Variants in SLC16A10 observed in about 807,000 individuals in gnomAD.
SLC16A10 encodes solute carrier family 16 member 10.
SLC16A10 carries 27 observed loss-of-function variants against 40.0 expected under a neutral mutation model. That is an observed-to-expected ratio of 0.67 (90% CI 0.50 to 0.93). The LOEUF (loss-of-function observed/expected upper bound fraction) is 0.93, where lower values mean the gene tolerates loss of function less well. Ranked by LOEUF, SLC16A10 falls within the 40% of genes least tolerant of loss-of-function variation. The pLI, the probability that SLC16A10 is intolerant of heterozygous loss-of-function variation, is 0.00. For synonymous variants in SLC16A10, 213 were observed against 249.8 expected (o/e 0.85, Z 1.39); for missense variants, 529 against 658.2 (o/e 0.80, Z 2.15).
At chr6:111,213,330 A>C (rs970933341) in intron 4 of SLC16A10, among the ~76,000 whole-genome samples, 11 of 150,060 alleles carry the variant, frequency 7.3e-5, no homozygotes, top group African/African-American at 1.9e-4. Context: ...TTGTAGGAAG[A>C]CTTTCATATA....
chr6:111,094,160 T>C (rs1005788857), intron 1 of SLC16A10, among the ~76,000 whole-genome samples: 2 of 152,260 alleles, frequency 1.3e-5, no homozygotes, highest in Admixed American at 6.5e-5. Context: ...CTGCTTTTGA[T>C]GTGATTTGCT....
chr6:111,160,236 C>T (rs147238001), intron 1 of SLC16A10, among the ~76,000 whole-genome samples: 109 of 152,220 alleles, frequency 7.2e-4, no homozygotes, highest in African/African-American at 2.4e-3. Context: ...AGATTTTCTC[C>T]GGTATTTTCT....
chr6:111,092,505 AG>A (rs1190953674), intron 1 of SLC16A10, among the ~76,000 whole-genome samples: 1 of 150,408 alleles, frequency 6.6e-6, no homozygotes, highest in Non-Finnish European at 1.5e-5. Context: ...TAGTAGAGAC[AG>A]GGTTTCACCA....
chr6:111,134,889 C>T (rs1490978335), intron 1 of SLC16A10, among the ~76,000 whole-genome samples: 1 of 152,138 alleles, frequency 6.6e-6, no homozygotes, highest in African/African-American at 2.4e-5. Flanking sequence ...CCTGGGTATG[C>T]TTGACCATTG....
At chr6:111,155,753 G>A (rs1260546874) in intron 1 of SLC16A10, among the ~76,000 whole-genome samples, 1 of 152,174 alleles carries the variant, frequency 6.6e-6, no homozygotes, top group East Asian at 1.9e-4. Flanking sequence ...GATACAGATG[G>A]TTACATGTGG....
chr6:111,160,836 T>A (rs571807753), intron 1 of SLC16A10, among the ~76,000 whole-genome samples: 1 of 151,656 alleles, frequency 6.6e-6, no homozygotes, highest in South Asian at 2.1e-4. Flanking sequence ...GAATGGGGAG[T>A]GTGTACAGAT....
chr6:111,214,297 G>A (rs1773387962), intron 4 of SLC16A10, among the ~76,000 whole-genome samples: 1 of 152,238 alleles, frequency 6.6e-6, no homozygotes, highest in African/African-American at 2.4e-5. Flanking sequence ...TTCCTTACTC[G>A]AATCTAACCA....
chr6:111,097,522 C>T (rs186858553), intron 1 of SLC16A10, among the ~76,000 whole-genome samples: 225 of 152,150 alleles, frequency 1.5e-3, no homozygotes, highest in African/African-American at 5.3e-3. Context: ...CCATGTTGGT[C>T]AGGCTGGTCT....
chr6:111,166,677 G>A (rs1055691361), intron 1 of SLC16A10, among the ~76,000 whole-genome samples: 3 of 152,348 alleles, frequency 2.0e-5, no homozygotes, highest in Admixed American at 2.0e-4. Context: ...TGCCCTTGCA[G>A]TCATTTACAT....
chr6:111,118,727 C>T (rs1771533691), intron 1 of SLC16A10, among the ~76,000 whole-genome samples: 2 of 150,000 alleles, frequency 1.3e-5, no homozygotes, highest in African/African-American at 4.9e-5. Flanking sequence ...TTTTATATGG[C>T]ATTGATGGAC....
chr6:111,123,331 G>A (rs1771617596), intron 1 of SLC16A10, among the ~76,000 whole-genome samples: 1 of 152,212 alleles, frequency 6.6e-6, no homozygotes, highest in Admixed American at 6.5e-5. Context: ...TTGCAAGGAA[G>A]TCTCTTCAGA....
chr6:111,183,380 A>G (rs901474275), intron 3 of SLC16A10, among the ~76,000 whole-genome samples: 1 of 152,170 alleles, frequency 6.6e-6, no homozygotes, highest in Admixed American at 6.5e-5. Flanking sequence ...GTATATTTAC[A>G]CGTCTGCTAG....
intron 5 of SLC16A10, 147 bp from the exon 6 acceptor site, chr6:111,221,856 A>G: frequency 1.6e-6 from 1 of 629,748 alleles, no homozygotes. Flanking sequence ...TTTTCTTCCT[A>G]TCAAAAAGGG....
chr6:111,206,819 C>A, intron 4 of SLC16A10, 84 bp downstream of exon 4: 2 of 1,415,446 alleles, frequency 1.4e-6, no homozygotes, highest in Non-Finnish European at 1.9e-6. Context: ...TGCTTAAATT[C>A]TTTTTTTTTC....
chr6:111,133,168 A>T (rs1771815265), intron 1 of SLC16A10, among the ~76,000 whole-genome samples: 1 of 152,024 alleles, frequency 6.6e-6, no homozygotes, highest in South Asian at 2.1e-4. Context: ...AGCAGCCTGG[A>T]CCCCTTTCTT....
chr6:111,169,685 A>C (rs1363974524), intron 1 of SLC16A10, among the ~76,000 whole-genome samples: 1 of 152,268 alleles, frequency 6.6e-6, no homozygotes, highest in African/African-American at 2.4e-5. Context: ...ATTGACCAAA[A>C]GAATCAAATG....
intron 4 of SLC16A10, among the ~76,000 whole-genome samples, chr6:111,208,215 A>T (rs761651429): frequency 1.3e-5 from 2 of 152,162 alleles, no homozygotes; most frequent in Non-Finnish European, 2.9e-5. Context: ...CTGGACTCCA[A>T]CGATCCACCC....
intron 1 of SLC16A10, among the ~76,000 whole-genome samples, chr6:111,133,324 C>T (rs1364089427): frequency 5.3e-5 from 8 of 152,162 alleles, no homozygotes; most frequent in Admixed American, 1.3e-4. Flanking sequence ...GACTAATGCT[C>T]ATTGGAAAAT....
At chr6:111,217,804 T>G (rs964264459) in intron 4 of SLC16A10, among the ~76,000 whole-genome samples, 4 of 152,174 alleles carry the variant, frequency 2.6e-5, no homozygotes, top group African/African-American at 9.7e-5. Flanking sequence ...TTAAATTGAC[T>G]GTTTCCTCCT....
Sources: gnomAD v4.1 joint callset for allele counts (sites outside exome capture counted in the v4.1 genomes callset) on GRCh38, gnomAD v4.1.1 for gene constraint, MANE v1.5 for transcripts, NCBI Gene and HGNC (gene_info 2026-07-23, HGNC 2026-07-21) for gene names.